Variants in ZNF883 observed in about 807,000 individuals in gnomAD.
ZNF883 encodes the protein zinc finger protein 883.
upstream of ZNF883, among the ~76,000 whole-genome samples, chr9:113,001,510 T>C (rs1196064759): frequency 2.6e-5 from 4 of 152,080 alleles, no homozygotes; most frequent in Admixed American, 2.6e-4. Context: ...ACTAGATGAA[T>C]GCAGGTTTTT....
At chr9:113,000,015 T>C (rs375378255), upstream of ZNF883, among the ~76,000 whole-genome samples, 28 of 152,306 alleles carry the variant, frequency 1.8e-4, no homozygotes, top group East Asian at 3.7e-3. Flanking sequence ...AACTCAAGTA[T>C]GATTTTTTAA....
chr9:113,003,928 CA>C (rs1026878543), intron 2 of ZNF883, among the ~76,000 whole-genome samples: 2 of 133,492 alleles, frequency 1.5e-5, no homozygotes, highest in Admixed American at 1.5e-4. Flanking sequence ...TGTGTCCCTC[CA>C]AAAAAGGTAT....
chr9:113,003,592 AAAG>A (rs56790514), intron 2 of ZNF883, among the ~76,000 whole-genome samples: 29,600 of 129,936 alleles, frequency 0.23, 3,517 homozygotes, highest in African/African-American at 0.39. Context: ...AAAAAAAAAA[AAAG>A]AATGGAAATG....
exon 1 of ZNF883, chr9:112,998,106 G>T: frequency 1.2e-6 from 2 of 1,613,784 alleles, no homozygotes; most frequent in African/African-American, 2.7e-5. Context: ...TTACTGTTCC[G>T]GGTAAAGGAC....
At chr9:112,991,746 T>A (rs2118598414) in intron 1 of ZNF883, among the ~76,000 whole-genome samples, 1 of 152,342 alleles carries the variant, frequency 6.6e-6, no homozygotes, top group South Asian at 2.1e-4. Flanking sequence ...AGAACTTGTT[T>A]TATGAGTCTG....
chr9:112,993,898 A>G (rs1455327783), downstream of ZNF883, among the ~76,000 whole-genome samples: 1 of 152,032 alleles, frequency 6.6e-6, no homozygotes, highest in African/African-American at 2.4e-5. Flanking sequence ...CAGTCTCCCC[A>G]GCACTGGCAG....
In ZNF883 at chr9:113,003,611, A is replaced by G. The variant is rs556169117; in HGVS notation, n.166-1538T>C. Among the ~76,000 whole-genome samples the G allele has an allele frequency of 5.5e-4, 83 of 151,598 alleles. 3 individuals carry two copies. The South Asian group carries it at 0.016, about 29-fold the overall frequency. On this transcript the variant is annotated intron_variant and non_coding_transcript_variant, in intron 2 of 4. Transcript: ENST00000638622. ...AAAAAAAAAGAATGGAAATGATGCTATATTTAAGGGAATAAGGATAGATTT... is the reference window on the plus strand; with the variant it reads ...AAAAAAAAAGAATGGAAATGATGCTGTATTTAAGGGAATAAGGATAGATTT...
At chr9:113,000,940 A>T (rs1024473848), upstream of ZNF883, among the ~76,000 whole-genome samples, 10 of 152,186 alleles carry the variant, frequency 6.6e-5, no homozygotes, top group African/African-American at 2.4e-4. Context: ...ATAAAGGCAC[A>T]TGCATTTACG....
upstream of ZNF883, among the ~76,000 whole-genome samples, chr9:113,002,275 C>T (rs912821697): frequency 1.6e-4 from 24 of 152,040 alleles, no homozygotes; most frequent in African/African-American, 4.8e-4. Flanking sequence ...AGAAGCAATA[C>T]GGAAGTTTCC....
chr9:113,001,289 T>C (rs10817424), upstream of ZNF883, among the ~76,000 whole-genome samples: 9,608 of 152,182 alleles, frequency 0.063, 621 homozygotes, highest in East Asian at 0.34. Flanking sequence ...ACCTTTTTAA[T>C]GTCTGAAAGT....
At chr9:112,992,607 G>A (rs989265274), downstream of ZNF883, among the ~76,000 whole-genome samples, 1 of 152,136 alleles carries the variant, frequency 6.6e-6, no homozygotes, top group Non-Finnish European at 1.5e-5. Flanking sequence ...TGGACTTCCT[G>A]AATAAGAACG....
At chr9:113,007,982 A>G (rs895814051) in intron 2 of ZNF883, among the ~76,000 whole-genome samples, 1 of 152,134 alleles carries the variant, frequency 6.6e-6, no homozygotes, top group Non-Finnish European at 1.5e-5. Flanking sequence ...TAGAGGGAAA[A>G]TTTTTCTGCA....
chr9:112,998,558 A>G (rs1828389638), upstream of ZNF883: 1 of 223,624 alleles, frequency 4.5e-6, no homozygotes, highest in Admixed American at 5.3e-5. Flanking sequence ...TATTATATGG[A>G]AAATTCCAGA....
downstream of ZNF883, among the ~76,000 whole-genome samples, chr9:112,995,314 A>G (rs1267562878): frequency 3.3e-5 from 5 of 152,128 alleles, no homozygotes; most frequent in African/African-American, 1.2e-4. Flanking sequence ...CCTGCCCTTC[A>G]GAAGACTCAG....
chr9:113,006,189 T>C (rs771567576), intron 2 of ZNF883, among the ~76,000 whole-genome samples: 5 of 151,854 alleles, frequency 3.3e-5, no homozygotes, highest in Admixed American at 6.6e-5. Context: ...TTATAATATA[T>C]TAGCATGCTA....
exon 1 of ZNF883, chr9:112,997,853 T>A: frequency 6.2e-7 from 1 of 1,613,364 alleles, no homozygotes; most frequent in Non-Finnish European, 8.5e-7. Flanking sequence ...GGCAGAGATA[T>A]GGCTGAAAGC....
At chr9:112,997,191 C>T in exon 1 of ZNF883, 1 of 1,613,688 alleles carries the variant, frequency 6.2e-7, no homozygotes, top group Non-Finnish European at 8.5e-7. Context: ...TGACAAAAGA[C>T]ATCACCACAC....
At chr9:112,997,322 C>T (rs752559120) in exon 1 of ZNF883, 85 of 1,614,022 alleles carry the variant, frequency 5.3e-5, no homozygotes, top group Non-Finnish European at 6.0e-5. Context: ...TGTATGCGTC[C>T]TCTGATGTCG....
At chr9:113,000,135 A>G (rs905920713), upstream of ZNF883, among the ~76,000 whole-genome samples, 8 of 152,246 alleles carry the variant, frequency 5.3e-5, no homozygotes, top group East Asian at 1.5e-3. Flanking sequence ...GTTTTGTATG[A>G]TATCACAATA....
Sources: gnomAD v4.1 joint callset for allele counts (sites outside exome capture counted in the v4.1 genomes callset) on GRCh38, gnomAD v4.1.1 for gene constraint, MANE v1.5 for transcripts, NCBI Gene and HGNC (gene_info 2026-07-23, HGNC 2026-07-21) for gene names.